The following GRID2 variants were observed in gnomAD, a reference collection of about 807,000 sequenced individuals.
The protein encoded by GRID2 is glutamate ionotropic receptor delta type subunit 2, also known as glutamate receptor ionotropic, delta-2.
GRID2 carries 33 observed loss-of-function variants against 114.8 expected under a neutral mutation model. That is an observed-to-expected ratio of 0.29 (90% CI 0.22 to 0.38). The LOEUF is 0.38. Among genes scored for constraint, GRID2 ranks in the 10% least tolerant of loss-of-function variants. The probability of loss-of-function intolerance (pLI) is 1.00; values close to 1 mark genes in which losing one functional copy is unlikely to be tolerated. For synonymous variants in GRID2, 505 were observed against 449.9 expected, an observed-to-expected ratio of 1.12 and a Z score of -1.55; for missense variants, 1,184 against 1,257.7, an observed-to-expected ratio of 0.94 and a Z score of 0.89.
chr4:93,404,373 T>G (rs1344096652), intron 9 of GRID2, among the ~76,000 whole-genome samples: 1 of 152,110 alleles, frequency 6.6e-6, no homozygotes, highest in Non-Finnish European at 1.5e-5. Context: ...TTTGGATGGG[T>G]GAATTGTATA....
intron 14 of GRID2, among the ~76,000 whole-genome samples, chr4:93,697,867 G>GTATATA (rs1336222146): frequency 2.4e-5 from 2 of 83,826 alleles, no homozygotes; most frequent in African/African-American, 6.8e-5. Context: ...TCCACAATGT[G>GTATATA]TGTATATATA....
At chr4:93,323,137 A>G (rs1757423852) in intron 8 of GRID2, among the ~76,000 whole-genome samples, 1 of 152,110 alleles carries the variant, frequency 6.6e-6, no homozygotes, top group African/African-American at 2.4e-5. Context: ...TCTGTCCTGA[A>G]TGGTATTGCC....
intron 8 of GRID2, among the ~76,000 whole-genome samples, chr4:93,301,763 C>T (rs1459417465): frequency 2.0e-5 from 3 of 152,096 alleles, no homozygotes; most frequent in Non-Finnish European, 4.4e-5. Flanking sequence ...ACATTATCCA[C>T]CTATTTATTA....
At chr4:92,329,993 AAGAGAG>A (rs3076580) in intron 1 of GRID2, among the ~76,000 whole-genome samples, 4,633 of 132,558 alleles carry the variant, frequency 0.035, 240 homozygotes, top group African/African-American at 0.13. Flanking sequence ...TATGGGAGGA[AAGAGAG>A]AGAGAGAGAG....
Position 93,197,528 on chromosome 4 carries a change from A to T in GRID2, c.736-9876A>T, listed in dbSNP as rs186271177. ...TTAGCTTATACTATTATTATTAATG[A>T]CATACTGTAAATAGCATTCAATAAG... On this transcript the variant is annotated intron_variant, in intron 4 of 15. Transcript: ENST00000282020. Among the ~76,000 whole-genome samples, 610 of 152,336 alleles carry T rather than the reference A, an allele frequency of 4.0e-3. 8 individuals carry two copies. Among genetic ancestry groups the T allele is most frequent in the African/African-American group, 0.014 (586 of 41,588 alleles).
intron 2 of GRID2, among the ~76,000 whole-genome samples, chr4:92,684,834 A>T (rs1733826313): frequency 6.6e-6 from 1 of 152,066 alleles, no homozygotes; most frequent in Admixed American, 6.5e-5. Context: ...AATATCCCGA[A>T]TCAAGCATTT....
intron 1 of GRID2, among the ~76,000 whole-genome samples, chr4:92,553,553 G>T (rs1282980624): frequency 2.0e-5 from 3 of 151,892 alleles, no homozygotes. Context: ...AAAATATTTT[G>T]ATGCATCTCA....
At chr4:92,467,220 T>C (rs2149092679) in intron 1 of GRID2, among the ~76,000 whole-genome samples, 1 of 152,066 alleles carries the variant, frequency 6.6e-6, no homozygotes, top group Non-Finnish European at 1.5e-5. Context: ...TTTTTATTTA[T>C]CACGTTGATT....
At chr4:92,685,858 T>C (rs1247386696) in intron 2 of GRID2, among the ~76,000 whole-genome samples, 2 of 152,052 alleles carry the variant, frequency 1.3e-5, no homozygotes, top group African/African-American at 4.8e-5. Context: ...TGCTAATCTA[T>C]TTTCAAAACA....
At chr4:93,681,024 G>A (rs918533158) in intron 14 of GRID2, among the ~76,000 whole-genome samples, 4 of 151,418 alleles carry the variant, frequency 2.6e-5, no homozygotes, top group African/African-American at 9.8e-5. Context: ...TGTATATCTA[G>A]AAAACCCCAT....
intron 2 of GRID2, among the ~76,000 whole-genome samples, chr4:92,873,541 C>T (rs1745422528): frequency 6.6e-6 from 1 of 151,984 alleles, no homozygotes; most frequent in Non-Finnish European, 1.5e-5. Context: ...TCTAGGTTTA[C>T]ATTAGATAAA....
chr4:92,563,478 T>G (rs1727195038), intron 1 of GRID2, among the ~76,000 whole-genome samples: 1 of 152,132 alleles, frequency 6.6e-6, no homozygotes, highest in Non-Finnish European at 1.5e-5. Flanking sequence ...TATTTTTTTC[T>G]CTAAGAGCTA....
intron 1 of GRID2, among the ~76,000 whole-genome samples, chr4:92,431,820 G>A (rs1230770082): frequency 6.6e-6 from 1 of 152,140 alleles, no homozygotes; most frequent in African/African-American, 2.4e-5. Context: ...TGAAGAGTTA[G>A]GTATTTATTG....
chr4:93,274,801 A>C (rs1374792579), intron 8 of GRID2, among the ~76,000 whole-genome samples: 1 of 152,070 alleles, frequency 6.6e-6, no homozygotes, highest in Non-Finnish European at 1.5e-5. Flanking sequence ...GACATCATGT[A>C]CGTGTCACAA....
In GRID2 at chr4:93,114,198, G is replaced by A. The variant is rs1325310078; in HGVS notation, c.735+3245G>A. Among the ~76,000 whole-genome samples the A allele has an allele frequency of 2.6e-5, 4 of 152,188 alleles. No individual in the cohort carries two copies. In the East Asian group the frequency reaches 7.7e-4, roughly 29 times the overall value. On this transcript the variant is annotated intron_variant, in intron 4 of 15. Coordinates refer to ENST00000282020, the MANE Select transcript of GRID2 (RefSeq NM_001510.4). ...TGTTAGAATTCATGAAGCTCTGCCA[G>A]GGGACTACTACTCATTACCAATAAC...
At chr4:93,518,096 A>G (rs143792920) in intron 13 of GRID2, among the ~76,000 whole-genome samples, 28 of 149,688 alleles carry the variant, frequency 1.9e-4, no homozygotes, top group Admixed American at 1.3e-3. Flanking sequence ...CACACTATAT[A>G]TGGATATATA....
chr4:93,450,706 A>G lies in GRID2; in HGVS notation c.1546-4956A>G, dbSNP rs550829134. On this transcript the variant is annotated intron_variant, in intron 10 of 15. Coordinates refer to ENST00000282020, the MANE Select transcript of GRID2 (RefSeq NM_001510.4). Reference sequence around the variant, plus strand: ...CTCTCAAGGAAAATATTATGACTATATAATTAAAATAATTTTAAAAATGTA... The same window carrying G: ...CTCTCAAGGAAAATATTATGACTATGTAATTAAAATAATTTTAAAAATGTA... 2.1e-4 allele frequency among the ~76,000 whole-genome samples: 32 copies of G among 151,964 alleles called. 1 individual carries two copies. In the South Asian group the frequency reaches 6.6e-3, roughly 31 times the overall value.
intron 1 of GRID2, among the ~76,000 whole-genome samples, chr4:92,448,292 A>C (rs1342780279): frequency 6.6e-6 from 1 of 151,996 alleles, no homozygotes; most frequent in Non-Finnish European, 1.5e-5. Flanking sequence ...CTCCTGTCTC[A>C]GCCTCCTGAA....
chr4:92,858,380 A>G (rs531184501), intron 2 of GRID2, among the ~76,000 whole-genome samples: 3 of 152,202 alleles, frequency 2.0e-5, no homozygotes, highest in Non-Finnish European at 2.9e-5. Flanking sequence ...CAACATGAAC[A>G]GAAATTTGGA....
Sources: gnomAD v4.1 joint callset for allele counts (sites outside exome capture counted in the v4.1 genomes callset) on GRCh38, gnomAD v4.1.1 for gene constraint, MANE v1.5 for transcripts, NCBI Gene and HGNC (gene_info 2026-07-23, HGNC 2026-07-21) for gene names.